Variants in ZNF385D observed in about 807,000 individuals in gnomAD.
ZNF385D encodes the protein zinc finger protein 385D.
Under a neutral mutation model 35.8 loss-of-function variants are expected in ZNF385D, and 15 were observed. That is an observed-to-expected ratio of 0.42 (90% CI 0.28 to 0.64). The LOEUF (loss-of-function observed/expected upper bound fraction) is 0.64, where lower values mean the gene tolerates loss of function less well. Among genes scored for constraint, ZNF385D ranks in the 30% least tolerant of loss-of-function variants. The pLI is 0.23. For missense variants in ZNF385D, 474 were observed against 494.6 expected (o/e 0.96, Z 0.39); for synonymous variants, 212 against 186.8 (o/e 1.13, Z -1.10).
At chr3:21,703,348 T>G (rs1489226134) in intron 1 of ZNF385D, among the ~76,000 whole-genome samples, 4 of 152,010 alleles carry the variant, frequency 2.6e-5, no homozygotes, top group Non-Finnish European at 5.9e-5. Flanking sequence ...TTCAATTACC[T>G]CCCCCTGGGT....
intron 4 of ZNF385D, among the ~76,000 whole-genome samples, chr3:21,438,487 T>TA (rs11437856): frequency 0.22 from 32,890 of 152,048 alleles, 5,140 homozygotes; most frequent in African/African-American, 0.43. Flanking sequence ...AGCTACAGAA[T>TA]GACTCTTAAC....
At chr3:22,321,635 G>C (rs1363555642) in intron 2 of ZNF385D, among the ~76,000 whole-genome samples, 1 of 152,082 alleles carries the variant, frequency 6.6e-6, no homozygotes, top group African/African-American at 2.4e-5. Context: ...AAAGTGCTGG[G>C]ATTACAAGCA....
intron 4 of ZNF385D, among the ~76,000 whole-genome samples, chr3:21,462,789 C>T (rs111607992): frequency 0.035 from 5,251 of 152,180 alleles, 311 homozygotes; most frequent in African/African-American, 0.12. Context: ...CGAGACCAGC[C>T]TGGCCAACAT....
chr3:21,936,311 T>A (rs1373766185), intron 3 of ZNF385D, among the ~76,000 whole-genome samples: 1 of 152,144 alleles, frequency 6.6e-6, no homozygotes, highest in East Asian at 1.9e-4. Flanking sequence ...AAAGATTTAT[T>A]TCAATCATCT....
At chr3:22,262,092 G>C (rs1700662219) in intron 2 of ZNF385D, among the ~76,000 whole-genome samples, 1 of 151,768 alleles carries the variant, frequency 6.6e-6, no homozygotes, top group Non-Finnish European at 1.5e-5. Context: ...ATAAATAGTG[G>C]CTTTTTTGGT....
chr3:21,661,595 ACT>A (rs953239493), intron 2 of ZNF385D, among the ~76,000 whole-genome samples: 1 of 152,096 alleles, frequency 6.6e-6, no homozygotes, highest in Non-Finnish European at 1.5e-5. Flanking sequence ...AAGCACTGAA[ACT>A]CTAATGTCTT....
At chr3:22,069,462 G>A (rs944433077) in intron 3 of ZNF385D, among the ~76,000 whole-genome samples, 1 of 152,182 alleles carries the variant, frequency 6.6e-6, no homozygotes, top group Non-Finnish European at 1.5e-5. Flanking sequence ...GGGTGTGAAT[G>A]TATAGTGCAT....
chr3:21,428,731 G>A (rs759599700), intron 5 of ZNF385D, among the ~76,000 whole-genome samples: 4 of 151,960 alleles, frequency 2.6e-5, no homozygotes, highest in Non-Finnish European at 5.9e-5. Context: ...GCTCAGCTAG[G>A]CACTCATAAG....
At chr3:22,264,862 T>G (rs1031502705) in intron 2 of ZNF385D, among the ~76,000 whole-genome samples, 1 of 132,754 alleles carries the variant, frequency 7.5e-6, no homozygotes, top group Non-Finnish European at 1.7e-5. Context: ...CCATTCTCCC[T>G]CTTAGTATAA....
At chr3:22,108,397 C>G (rs573876338) in intron 3 of ZNF385D, among the ~76,000 whole-genome samples, 1 of 150,888 alleles carries the variant, frequency 6.6e-6, no homozygotes, top group African/African-American at 2.4e-5. Context: ...TGTCAAAACA[C>G]AAAACTTCCT....
intron 3 of ZNF385D, among the ~76,000 whole-genome samples, chr3:21,824,736 A>G (rs1694491422): frequency 6.6e-6 from 1 of 152,062 alleles, no homozygotes; most frequent in Non-Finnish European, 1.5e-5. Context: ...TTCCAGTATG[A>G]AAAAAAATTA....
chr3:21,836,180 T>G (rs1575747215), intron 3 of ZNF385D, among the ~76,000 whole-genome samples: 1 of 2,312 alleles, frequency 4.3e-4, no homozygotes, highest in African/African-American at 0.012. Flanking sequence ...GTCTTCTGAC[T>G]CTTCAAAAAC....
chr3:22,132,929 T>C (rs150991348), intron 3 of ZNF385D, among the ~76,000 whole-genome samples: 93 of 152,220 alleles, frequency 6.1e-4, no homozygotes, highest in Non-Finnish European at 1.2e-3. Flanking sequence ...CTTATGAAAA[T>C]GTAACTCAAA....
chr3:22,289,701 C>T (rs1012656689), intron 2 of ZNF385D, among the ~76,000 whole-genome samples: 14 of 152,140 alleles, frequency 9.2e-5, no homozygotes, highest in South Asian at 2.1e-4. Flanking sequence ...ATGCCTAGTA[C>T]GTCTCATTTC....
intron 3 of ZNF385D, among the ~76,000 whole-genome samples, chr3:22,159,594 T>A (rs1388553): frequency 7.9e-5 from 12 of 151,988 alleles, no homozygotes; most frequent in Admixed American, 2.6e-4. Flanking sequence ...GTAAAACAAA[T>A]AGCCAGTGGC....
At chr3:22,210,820 C>G (rs539355979) in intron 2 of ZNF385D, among the ~76,000 whole-genome samples, 1 of 145,846 alleles carries the variant, frequency 6.9e-6, no homozygotes, top group African/African-American at 2.5e-5. Context: ...TACTTGAAAG[C>G]AGGCCAAAAT....
At chr3:21,722,672 T>G (rs914251688) in intron 1 of ZNF385D, among the ~76,000 whole-genome samples, 1 of 152,244 alleles carries the variant, frequency 6.6e-6, no homozygotes, top group Admixed American at 6.5e-5. Context: ...CTCTGAATTC[T>G]TCCCCCAATA....
chr3:22,316,503 CA>C (rs1703894986), intron 2 of ZNF385D, among the ~76,000 whole-genome samples: 1 of 152,112 alleles, frequency 6.6e-6, no homozygotes, highest in African/African-American at 2.4e-5. Flanking sequence ...AATTTTTCCC[CA>C]AAAACTTTGA....
At chr3:21,511,704 C>G (rs1299234317) in intron 3 of ZNF385D, 4 of 456,404 alleles carry the variant, frequency 8.8e-6, no homozygotes, top group South Asian at 4.6e-5. Flanking sequence ...TTGGGAGGCT[C>G]CAGTGTGTTT....
Sources: gnomAD v4.1 joint callset for allele counts (sites outside exome capture counted in the v4.1 genomes callset) on GRCh38, gnomAD v4.1.1 for gene constraint, MANE v1.5 for transcripts, NCBI Gene and HGNC (gene_info 2026-07-23, HGNC 2026-07-21) for gene names.